Variants in FNDC3B observed in about 807,000 individuals in gnomAD.
FNDC3B encodes the protein fibronectin type III domain-containing protein 3B.
A neutral mutation model predicts 151.5 loss-of-function variants in FNDC3B; 12 were observed. That is an observed-to-expected ratio of 0.08 (90% CI 0.05 to 0.13). The LOEUF (loss-of-function observed/expected upper bound fraction) is 0.13, where lower values mean the gene tolerates loss of function less well. FNDC3B is among the 10% of genes least tolerant of loss of function. The pLI, the probability that FNDC3B is intolerant of heterozygous loss-of-function variation, is 1.00. For synonymous variants in FNDC3B, 528 were observed against 549.0 expected (o/e 0.96, Z 0.54); for missense variants, 1,214 against 1,505.3 (o/e 0.81, Z 3.20).
intron 3 of FNDC3B, among the ~76,000 whole-genome samples, chr3:172,156,344 A>G (rs1052674272): frequency 2.0e-5 from 3 of 152,234 alleles, no homozygotes; most frequent in Admixed American, 6.5e-5. Context: ...ATTTGACAAA[A>G]TCTGGCTCCG....
At position 172,080,835 on chromosome 3, in the gene FNDC3B, A is replaced by G. The variant is rs6805762; in HGVS notation, c.-28-31617A>G. On this transcript the variant is annotated intron_variant, in intron 1 of 25. Transcript: ENST00000415807. ...TGTGTTTCATGTAAAATCCTTGTAG[A>G]GTAGATTCTCTGAATCCAACTGTTA... Among the ~76,000 whole-genome samples, 1,169 of 152,304 alleles carry G rather than the reference A, an allele frequency of 7.7e-3. 15 individuals carry two copies. Among genetic ancestry groups the G allele is most frequent in the African/African-American group, 0.027 (1,102 of 41,562 alleles).
intron 1 of FNDC3B, among the ~76,000 whole-genome samples, chr3:172,105,912 A>C (rs924665846): frequency 6.6e-6 from 1 of 152,252 alleles, no homozygotes; most frequent in Admixed American, 6.5e-5. Context: ...TTCAGGCTAC[A>C]GAACAAGCAT....
intron 2 of FNDC3B, 106 bp from the exon 3 acceptor site, chr3:172,133,365 A>T: frequency 2.3e-6 from 2 of 869,178 alleles, no homozygotes; most frequent in Non-Finnish European, 3.7e-6. Context: ...TTTATAAAAG[A>T]TTTTATGCCA....
chr3:172,088,099 T>C (rs1438115107), intron 1 of FNDC3B, among the ~76,000 whole-genome samples: 1 of 152,170 alleles, frequency 6.6e-6, no homozygotes, highest in Non-Finnish European at 1.5e-5. Context: ...AGCCTAAAAA[T>C]GCTTATCATT....
chr3:172,349,330 G>A (rs1434580853), intron 21 of FNDC3B, among the ~76,000 whole-genome samples: 1 of 152,114 alleles, frequency 6.6e-6, no homozygotes, highest in Non-Finnish European at 1.5e-5. Flanking sequence ...ATAGAAATGT[G>A]GTGGAACATT....
chr3:172,371,702 G>A (rs537357952), intron 23 of FNDC3B, among the ~76,000 whole-genome samples: 2 of 152,274 alleles, frequency 1.3e-5, no homozygotes, highest in African/African-American at 4.8e-5. Flanking sequence ...GCCTAGATTG[G>A]GCGCATTGCC....
intron 9 of FNDC3B, among the ~76,000 whole-genome samples, chr3:172,304,694 C>G (rs1731102388): frequency 6.6e-6 from 1 of 152,002 alleles, no homozygotes; most frequent in African/African-American, 2.4e-5. Context: ...GTCAGGTGTT[C>G]AAGACCAGCC....
intron 4 of FNDC3B, among the ~76,000 whole-genome samples, chr3:172,237,853 A>G (rs2108756354): frequency 6.6e-6 from 1 of 152,360 alleles, no homozygotes; most frequent in East Asian, 1.9e-4. Flanking sequence ...ATCTGTTATC[A>G]AGCTGTAAGT....
chr3:172,170,580 C>T (rs1252497092), intron 3 of FNDC3B, among the ~76,000 whole-genome samples: 2 of 152,154 alleles, frequency 1.3e-5, no homozygotes, highest in African/African-American at 2.4e-5. Flanking sequence ...TGATTGGTAC[C>T]CCTCCTAGCT....
At chr3:172,207,449 T>C (rs890861041) in intron 3 of FNDC3B, among the ~76,000 whole-genome samples, 1 of 152,220 alleles carries the variant, frequency 6.6e-6, no homozygotes, top group Non-Finnish European at 1.5e-5. Context: ...TGTGAACTTG[T>C]GCTTCACTCT....
chr3:172,385,634 C>T (rs1419446757), intron 25 of FNDC3B, among the ~76,000 whole-genome samples: 1 of 151,510 alleles, frequency 6.6e-6, no homozygotes, highest in African/African-American at 2.4e-5. Flanking sequence ...TCTCGGCTCA[C>T]TGCAAGGTCT....
At chr3:172,380,804 C>T (rs776113123) in intron 24 of FNDC3B, among the ~76,000 whole-genome samples, 162 bp from the exon 25 acceptor site, 1 of 152,212 alleles carries the variant, frequency 6.6e-6, no homozygotes, top group Non-Finnish European at 1.5e-5. Flanking sequence ...GCCTAAAGGG[C>T]ACCCTGCTGG....
chr3:172,308,122 A>G (rs1262689520), intron 10 of FNDC3B, among the ~76,000 whole-genome samples: 1 of 152,228 alleles, frequency 6.6e-6, no homozygotes, highest in Non-Finnish European at 1.5e-5. Flanking sequence ...ACATTTAGTG[A>G]TCTAAACTAT....
rs1727941223 is a variant in FNDC3B at position 172,249,219 on chromosome 3, C to T, written c.508+1443C>T. On this transcript the variant is annotated intron_variant, in intron 5 of 25. Coordinates refer to ENST00000415807, the MANE Select transcript of FNDC3B (RefSeq NM_022763.4). ...TGACATGAAAGGCCTTGGTGACTGA[C>T]TCATTGCTTGCTGGTATATGTCTGA... Among the ~76,000 whole-genome samples, 3 of 152,222 alleles carry T rather than the reference C, an allele frequency of 2.0e-5. No homozygotes were observed. The South Asian group carries it at 6.2e-4, about 32-fold the overall frequency.
intron 6 of FNDC3B, among the ~76,000 whole-genome samples, chr3:172,256,991 C>T (rs942882071): frequency 2.6e-4 from 39 of 151,102 alleles, no homozygotes; most frequent in Non-Finnish European, 2.5e-4. Context: ...AGTGCGGTGG[C>T]GCAATTTCGG....
intron 3 of FNDC3B, among the ~76,000 whole-genome samples, chr3:172,136,430 A>C (rs1312368136): frequency 1.3e-5 from 2 of 152,126 alleles, no homozygotes; most frequent in Non-Finnish European, 2.9e-5. Context: ...ATCAGGTTTG[A>C]GTTCAGATTT....
At chr3:172,256,523 G>A (rs962694824) in intron 6 of FNDC3B, among the ~76,000 whole-genome samples, 8 of 152,218 alleles carry the variant, frequency 5.3e-5, no homozygotes, top group African/African-American at 1.9e-4. Context: ...AGTTAAAATA[G>A]TCACATTGCC....
At chr3:172,133,366 T>C in intron 2 of FNDC3B, 105 bp from the exon 3 acceptor site, 1 of 877,608 alleles carries the variant, frequency 1.1e-6, no homozygotes, top group Non-Finnish European at 1.8e-6. Context: ...TTATAAAAGA[T>C]TTTATGCCAC....
At chr3:172,254,529 A>C (rs1728238753) in intron 6 of FNDC3B, among the ~76,000 whole-genome samples, 2 of 152,224 alleles carry the variant, frequency 1.3e-5, no homozygotes, top group Non-Finnish European at 1.5e-5. Context: ...CCTGACACAT[A>C]GTAGGTACTC....
Sources: gnomAD v4.1 joint callset for allele counts (sites outside exome capture counted in the v4.1 genomes callset) on GRCh38, gnomAD v4.1.1 for gene constraint, MANE v1.5 for transcripts, NCBI Gene and HGNC (gene_info 2026-07-23, HGNC 2026-07-21) for gene names.